Variants in FTCDNL1 observed in about 807,000 individuals in gnomAD.
FTCDNL1 encodes formiminotransferase cyclodeaminase N-terminal like.
A neutral mutation model predicts 5.9 loss-of-function variants in FTCDNL1; 11 were observed. The observed-to-expected ratio is 1.87, with a 90% CI of 1.18 to 3.10. FTCDNL1 has a LOEUF of 3.10. Ranked by LOEUF, FTCDNL1 falls within the 30% of genes most tolerant of loss-of-function variation. FTCDNL1 has a pLI of 0.00. For synonymous variants in FTCDNL1, 58 were observed against 24.8 expected (o/e 2.34, Z -3.99); for missense variants, 115 against 65.5 (o/e 1.76, Z -2.61).
chr2:199,699,303 C>A, the FTCDNL1 span, among the ~76,000 whole-genome samples: 1 of 152,064 alleles, frequency 6.6e-6, no homozygotes, highest in South Asian at 2.1e-4. Flanking sequence ...TCCCTCTCTA[C>A]AAAAAATACT....
intron 3 of FTCDNL1, among the ~76,000 whole-genome samples, chr2:199,768,804 C>T (rs1698664055): frequency 6.6e-6 from 1 of 152,120 alleles, no homozygotes; most frequent in South Asian, 2.1e-4. Flanking sequence ...AGTATTCCCT[C>T]CCTCTTTAAC....
At chr2:199,833,074 T>A (rs527344837) in intron 3 of FTCDNL1, among the ~76,000 whole-genome samples, 3 of 151,436 alleles carry the variant, frequency 2.0e-5, no homozygotes, top group South Asian at 4.2e-4. Context: ...ACTCAAGCAA[T>A]CCTCCCACCT....
rs533109189 is a variant in FTCDNL1, at chr2:199,810,821, C to G, written c.*1884G>C. Among the ~76,000 whole-genome samples, 5 of 152,336 alleles carry G rather than the reference C, an allele frequency of 3.3e-5. No individual in the cohort carries two copies. Among genetic ancestry groups the G allele is most frequent in the Non-Finnish European group, 7.3e-5 (5 of 68,028 alleles). On this transcript the variant is annotated 3_prime_UTR_variant, in exon 5 of 5. Coordinates refer to ENST00000420128, the MANE Select transcript of FTCDNL1 (RefSeq NM_001363886.2). ...TCAGCATGTGATCATTCCTTAGCTA[C>G]TATTTCAACATTATTTTACTGTCAT...
intron 3 of FTCDNL1, among the ~76,000 whole-genome samples, chr2:199,768,829 T>C (rs1698665747): frequency 6.6e-6 from 1 of 152,110 alleles, no homozygotes. Flanking sequence ...ACTTGGCTGC[T>C]GAGATTGGAG....
chr2:199,686,759 T>C, the FTCDNL1 span, among the ~76,000 whole-genome samples: 1 of 152,190 alleles, frequency 6.6e-6, no homozygotes, highest in Admixed American at 6.5e-5. Flanking sequence ...AAATAAGCGA[T>C]AGATGGTTAT....
intron 3 of FTCDNL1, among the ~76,000 whole-genome samples, chr2:199,835,023 T>C (rs902270777): frequency 6.6e-6 from 1 of 151,770 alleles, no homozygotes; most frequent in Non-Finnish European, 1.5e-5. Context: ...AAAAAAAATT[T>C]AAAGATTAGC....
At chr2:199,679,726 C>T in the FTCDNL1 span, among the ~76,000 whole-genome samples, 62 of 150,108 alleles carry the variant, frequency 4.1e-4, 1 homozygote, top group East Asian at 0.011. Flanking sequence ...GAAACAAAAC[C>T]TTTGATTTTC....
the FTCDNL1 span, among the ~76,000 whole-genome samples, chr2:199,755,500 T>C: frequency 1.3e-5 from 2 of 152,226 alleles, no homozygotes; most frequent in Admixed American, 6.5e-5. Context: ...CTTGGGCAAG[T>C]CATTTTATGT....
At chr2:199,707,671 AT>A in the FTCDNL1 span, among the ~76,000 whole-genome samples, 1 of 151,902 alleles carries the variant, frequency 6.6e-6, no homozygotes, top group East Asian at 1.9e-4. Context: ...CTTTTGTTTA[AT>A]TCAAACTTGT....
At chr2:199,832,793 G>A (rs890162796) in intron 3 of FTCDNL1, among the ~76,000 whole-genome samples, 6 of 152,066 alleles carry the variant, frequency 3.9e-5, no homozygotes, top group African/African-American at 1.4e-4. Context: ...CAGAGGACCT[G>A]GGGCTTTACA....
chr2:199,759,495 T>C (rs979134996), downstream of FTCDNL1, among the ~76,000 whole-genome samples: 4 of 152,266 alleles, frequency 2.6e-5, no homozygotes, highest in South Asian at 8.3e-4. Context: ...TTAGGCCAGT[T>C]AACCCCGAAG....
chr2:199,730,793 C>T, the FTCDNL1 span, among the ~76,000 whole-genome samples: 1 of 152,152 alleles, frequency 6.6e-6, no homozygotes, highest in Non-Finnish European at 1.5e-5. Context: ...GGCGATTCCC[C>T]AAGGATCTAG....
At chr2:199,821,818 T>C (rs946081841) in intron 3 of FTCDNL1, among the ~76,000 whole-genome samples, 3 of 152,192 alleles carry the variant, frequency 2.0e-5, no homozygotes, top group African/African-American at 7.2e-5. Flanking sequence ...AAGTTCCTGG[T>C]ATTGTAGATA....
the FTCDNL1 span, among the ~76,000 whole-genome samples, chr2:199,708,770 C>G: frequency 1.3e-5 from 2 of 152,152 alleles, no homozygotes; most frequent in Admixed American, 1.3e-4. Flanking sequence ...AGAAACCATT[C>G]AGTTCCCTGT....
Position 199,827,751 on chromosome 2 carries a change from G to C in FTCDNL1, c.212-7994C>G, listed in dbSNP as rs145300391. Among the ~76,000 whole-genome samples, 405 of 152,232 alleles carry C rather than the reference G, an allele frequency of 2.7e-3. 1 individual carries two copies. Among genetic ancestry groups the C allele is most frequent in the African/African-American group, 9.5e-3 (394 of 41,534 alleles). On this transcript the variant is annotated intron_variant, in intron 3 of 4. Transcript: ENST00000420128. ...AGAAAACCATGTAGCCCAATGTCTG[G>C]TACAGAGTATAACTCAATAAATAGC...
At chr2:199,826,755 T>C (rs938346778) in intron 3 of FTCDNL1, among the ~76,000 whole-genome samples, 72 of 152,106 alleles carry the variant, frequency 4.7e-4, no homozygotes, top group Non-Finnish European at 9.3e-4. Flanking sequence ...GATTGCGCCA[T>C]TGCAATTCAG....
chr2:199,702,492 A>C, the FTCDNL1 span, among the ~76,000 whole-genome samples: 2 of 152,212 alleles, frequency 1.3e-5, no homozygotes, highest in East Asian at 3.8e-4. Context: ...GACCCTCAGC[A>C]TACTCAATAA....
At chr2:199,670,999 C>T in the FTCDNL1 span, among the ~76,000 whole-genome samples, 1 of 152,206 alleles carries the variant, frequency 6.6e-6, no homozygotes, top group East Asian at 1.9e-4. Flanking sequence ...TACAAGCTGC[C>T]CAGATGGCTC....
chr2:199,837,985 G>A (rs1458952518), intron 3 of FTCDNL1, among the ~76,000 whole-genome samples: 5 of 152,244 alleles, frequency 3.3e-5, no homozygotes, highest in Admixed American at 6.5e-5. Flanking sequence ...TATTTTCACC[G>A]TCAAGGCATT....
Sources: gnomAD v4.1 joint callset for allele counts (sites outside exome capture counted in the v4.1 genomes callset) on GRCh38, gnomAD v4.1.1 for gene constraint, MANE v1.5 for transcripts, NCBI Gene and HGNC (gene_info 2026-07-23, HGNC 2026-07-21) for gene names.